Variants in RFC2 observed in about 807,000 individuals in gnomAD.
RFC2 encodes replication factor C subunit 2.
A neutral mutation model predicts 44.8 loss-of-function variants in RFC2; 34 were observed. That is an observed-to-expected ratio of 0.76 (90% confidence interval 0.58 to 1.01). The LOEUF is 1.01. Among genes scored for constraint, RFC2 ranks in the 50% least tolerant of loss-of-function variants. RFC2 has a pLI of 0.00. For synonymous variants in RFC2, 177 were observed against 168.9 expected, an observed-to-expected ratio of 1.05 and a Z score of -0.37; for missense variants, 400 against 453.6, an observed-to-expected ratio of 0.88 and a Z score of 1.07.
At chr7:74,247,142 A>G (rs1230754533) in intron 4 of RFC2, among the ~76,000 whole-genome samples, 1 of 150,618 alleles carries the variant, frequency 6.6e-6, no homozygotes, top group Non-Finnish European at 1.5e-5. Context: ...AAAAAGCCTC[A>G]TCCTTCAGTT....
chr7:74,233,717 C>CA (rs1554717665), intron 10 of RFC2: 1 of 428,440 alleles, frequency 2.3e-6, no homozygotes, highest in African/African-American at 2.0e-5. Context: ...CCTCCTCCCT[C>CA]AGCCGCCCGA....
chr7:74,250,607 C>A (rs1786875021), intron 2 of RFC2, among the ~76,000 whole-genome samples: 1 of 152,116 alleles, frequency 6.6e-6, no homozygotes, highest in Non-Finnish European at 1.5e-5. Flanking sequence ...CACCATCCTC[C>A]TCCTTCGTCT....
intron 10 of RFC2, among the ~76,000 whole-genome samples, chr7:74,232,417 C>G (rs1382181237): frequency 7.6e-6 from 1 of 131,004 alleles, no homozygotes; most frequent in Non-Finnish European, 1.6e-5. Flanking sequence ...CTATTTATTT[C>G]TTAAAAGGAT....
Position 74,249,056 on chromosome 7 carries a change from T to C in RFC2, c.288A>G (p.Pro96=), listed in dbSNP as rs782330255. ...ILCLARALLG[P]ALKDAMLELN... is the part of the protein sequence containing the mutation. Reference sequence around the variant, plus strand: ...GTTCCAACATGGCATCTTTGAGTGCTGGGCCCAGCAGGGCCCGGGCCAAGC... The same window carrying C: ...GTTCCAACATGGCATCTTTGAGTGCCGGGCCCAGCAGGGCCCGGGCCAAGC... Residue 96 remains proline, a synonymous_variant, in exon 4 of 11, where the codon CCA becomes CCG. Coordinates refer to ENST00000055077, the MANE Select transcript of RFC2 (RefSeq NM_181471.3). The C allele has an allele frequency of 6.2e-7, 1 of 1,614,022 alleles. No homozygotes were observed. Among genetic ancestry groups the C allele is most frequent in the Non-Finnish European group, 8.5e-7 (1 of 1,179,934 alleles).
intron 5 of RFC2, among the ~76,000 whole-genome samples, chr7:74,244,615 C>A: frequency 6.6e-6 from 1 of 151,706 alleles, no homozygotes; most frequent in East Asian, 2.0e-4. Flanking sequence ...GCAATCTGCC[C>A]GCCTCGGCCT....
chr7:74,244,454 GCGAT>G (rs1375055672), intron 5 of RFC2, among the ~76,000 whole-genome samples: 3 of 151,370 alleles, frequency 2.0e-5, no homozygotes, highest in African/African-American at 4.8e-5. Context: ...CCGGGTACAA[GCGAT>G]TCTCCTGCCT....
intron 5 of RFC2, 83 bp from the exon 6 acceptor site, chr7:74,243,329 A>T: frequency 2.2e-6 from 2 of 896,876 alleles, no homozygotes; most frequent in Non-Finnish European, 3.7e-6. Context: ...CCCAGGACAT[A>T]AGACACATCC....
chr7:74,243,212 T>C lies in RFC2; in HGVS notation c.469A>G (p.Thr157Ala). Residue 157 changes from threonine to alanine, a missense_variant, in exon 6 of 11, where the codon ACC becomes GCC. Transcript: ENST00000055077. ...TDGAQQALRR[T>A]MEIYSKTTRF... Reference sequence around the variant, plus strand: ...GTGGTTTTAGAGTAGATTTCCATGGTTCTCCTCAAGGCTTGCTGGGCTCCG... The same window carrying C: ...GTGGTTTTAGAGTAGATTTCCATGGCTCTCCTCAAGGCTTGCTGGGCTCCG... 1 of 1,613,814 alleles carries C rather than the reference T, an allele frequency of 6.2e-7. No individual in the cohort carries two copies. Among genetic ancestry groups the C allele is most frequent in the South Asian group, 1.1e-5 (1 of 91,070 alleles).
chr7:74,252,168 G>T (rs1554721222), intron 2 of RFC2, among the ~76,000 whole-genome samples: 1 of 149,346 alleles, frequency 6.7e-6, no homozygotes, highest in Non-Finnish European at 1.5e-5. Flanking sequence ...AGCACTTTGG[G>T]AGGCCGAGGC....
At chr7:74,249,920 A>C in intron 2 of RFC2, 140 bp from the exon 3 acceptor site, 4 of 734,700 alleles carry the variant, frequency 5.4e-6, no homozygotes, top group Non-Finnish European at 9.9e-6. Context: ...GCAGTTTGGG[A>C]GGCCAAGGCA....
At chr7:74,240,522 AGAG>A (rs1407132684) in intron 6 of RFC2, among the ~76,000 whole-genome samples, 2 of 145,092 alleles carry the variant, frequency 1.4e-5, no homozygotes, top group African/African-American at 2.7e-5. Flanking sequence ...AAAAAAAAAA[AGAG>A]AGAGAGAGAG....
In RFC2 at chr7:74,249,062, C is replaced by T. The variant is rs558381384; in HGVS notation, c.282G>A (p.Leu94=). ...TSILCLARAL[L]GPALKDAMLE... ...ACATGGCATCTTTGAGTGCTGGGCC[C>T]AGCAGGGCCCGGGCCAAGCACAGAA... Residue 94 remains leucine, a synonymous_variant, in exon 4 of 11, where the codon CTG becomes CTA. Transcript: ENST00000055077. 4.3e-6 allele frequency: 7 copies of T among 1,614,072 alleles called. No homozygotes were observed. Among genetic ancestry groups the T allele is most frequent in the Non-Finnish European group, 8.5e-7 (1 of 1,180,006 alleles).
rs1802758978 is a variant in RFC2, at chr7:74,232,104, C to T, written c.*2G>A. ...TGTAAGTCAGTCAGTGAAGTCTCTG[C>T]TCTAACTGGCCACCGGGGCCATTGT... On this transcript the variant is annotated 3_prime_UTR_variant, in exon 11 of 11. Coordinates refer to ENST00000055077, the MANE Select transcript of RFC2 (RefSeq NM_181471.3). 4 of 1,579,994 alleles carry T rather than the reference C, an allele frequency of 2.5e-6. No individual in the cohort carries two copies. The highest frequency in any genetic ancestry group is 1.7e-6 in the Non-Finnish European group (2 of 1,149,070).
chr7:74,232,922 G>A lies in RFC2; in HGVS notation c.955-706C>T, dbSNP rs1802806577. Among the ~76,000 whole-genome samples, 2 of 151,778 alleles carry A rather than the reference G, an allele frequency of 1.3e-5. 1 individual carries two copies. The highest frequency in any genetic ancestry group is 4.2e-4 in the South Asian group (2 of 4,812). On this transcript the variant is annotated intron_variant, in intron 10 of 10. Coordinates refer to ENST00000055077, the MANE Select transcript of RFC2 (RefSeq NM_181471.3). ...AAATCAAACAACCCAATTAAAAAATGGGTAGATTTAGACCTGGAGCAGTAG... is the reference window on the plus strand; with the variant it reads ...AAATCAAACAACCCAATTAAAAAATAGGTAGATTTAGACCTGGAGCAGTAG...
chr7:74,246,398 C>CA (rs58046761), intron 5 of RFC2, among the ~76,000 whole-genome samples: 1,579 of 57,662 alleles, frequency 0.027, 21 homozygotes, highest in African/African-American at 0.069. Flanking sequence ...AACTCCATCT[C>CA]AAAAAAAAAA....
chr7:74,232,279 A>C, intron 10 of RFC2, 63 bp from the exon 11 acceptor site: 1 of 880,324 alleles, frequency 1.1e-6, no homozygotes, highest in Non-Finnish European at 1.9e-6. Flanking sequence ...TAAAATCTGA[A>C]CTGAAAAAAA....
intron 10 of RFC2, among the ~76,000 whole-genome samples, chr7:74,234,236 TTA>T (rs1164595951): frequency 2.0e-5 from 3 of 152,138 alleles, no homozygotes; most frequent in Non-Finnish European, 4.4e-5. Context: ...ATGATCCCAT[TTA>T]TATGATATTC....
rs1405821818 is a variant in RFC2 at position 74,232,277 on chromosome 7, G to T, written c.955-61C>A. Reference sequence around the variant, plus strand: ...GTGGGGGAGTTCTTTTTTAAAATCTGAACTGAAAAAAATAAAAATAAAAAC... The same window carrying T: ...GTGGGGGAGTTCTTTTTTAAAATCTTAACTGAAAAAAATAAAAATAAAAAC... On this transcript the variant is annotated intron_variant, in intron 10 of 10. Coordinates refer to ENST00000055077, the MANE Select transcript of RFC2 (RefSeq NM_181471.3). 7 of 888,240 alleles carry T rather than the reference G, an allele frequency of 7.9e-6. No homozygotes were observed. In the African/African-American group the frequency reaches 1.2e-4, roughly 15 times the overall value. 55.0% of individuals were successfully genotyped at this position (888,240 alleles called of 1,614,324 possible). A position where few individuals can be genotyped will look rare whatever the true frequency, so the allele number is the denominator to read the frequency against.
chr7:74,243,303 G>T, intron 5 of RFC2, 57 bp from the exon 6 acceptor site: 1 of 1,200,364 alleles, frequency 8.3e-7, no homozygotes, highest in South Asian at 1.2e-5. Flanking sequence ...GACACAAATC[G>T]TTCCCTATAC....
Sources: gnomAD v4.1 joint callset for allele counts (sites outside exome capture counted in the v4.1 genomes callset) on GRCh38, gnomAD v4.1.1 for gene constraint, MANE v1.5 for transcripts, NCBI Gene and HGNC (gene_info 2026-07-23, HGNC 2026-07-21) for gene names.